The following CPA6 variants were observed in gnomAD, a reference collection of about 807,000 sequenced individuals.
The protein encoded by CPA6 is carboxypeptidase B.
Under a neutral mutation model 63.3 loss-of-function variants are expected in CPA6, and 58 were observed. The ratio of observed to expected loss-of-function variants is 0.92; its 90% confidence interval spans 0.74 to 1.14. The LOEUF (loss-of-function observed/expected upper bound fraction) is 1.14. Ranked by LOEUF, CPA6 falls within the 50% of genes most tolerant of loss-of-function variation. The pLI is 0.00. For missense variants in CPA6, 565 were observed against 526.6 expected (o/e 1.07, Z -0.71); for synonymous variants, 185 against 179.0 (o/e 1.03, Z -0.27).
At chr8:67,691,931 T>C (rs112052092) in intron 1 of CPA6, among the ~76,000 whole-genome samples, 14 of 152,200 alleles carry the variant, frequency 9.2e-5, no homozygotes, top group Non-Finnish European at 1.6e-4. Context: ...CCAGATCCTT[T>C]TCTGGTTGAT....
chr8:67,602,932 C>T (rs1814533405), intron 2 of CPA6, among the ~76,000 whole-genome samples: 2 of 151,880 alleles, frequency 1.3e-5, no homozygotes, highest in Non-Finnish European at 2.9e-5. Context: ...AAAAGTGTTA[C>T]ATAAGAAGAG....
chr8:67,530,983 A>T (rs1221642047), intron 2 of CPA6, among the ~76,000 whole-genome samples: 1 of 152,246 alleles, frequency 6.6e-6, no homozygotes, highest in Non-Finnish European at 1.5e-5. Flanking sequence ...TGAGCATTCA[A>T]GCCACTATAC....
At chr8:67,656,318 TA>T (rs1428768290) in intron 1 of CPA6, among the ~76,000 whole-genome samples, 2 of 152,226 alleles carry the variant, frequency 1.3e-5, no homozygotes, top group African/African-American at 4.8e-5. Flanking sequence ...ACTGTTGATT[TA>T]AAGTAGTTTC....
intron 8 of CPA6, among the ~76,000 whole-genome samples, chr8:67,472,875 CAG>C (rs1002818056): frequency 7.9e-5 from 12 of 152,136 alleles, no homozygotes; most frequent in Admixed American, 5.2e-4. Context: ...CAAGAATAAT[CAG>C]AGAAATAAAA....
chr8:67,515,134 C>T (rs1211796216), intron 3 of CPA6, among the ~76,000 whole-genome samples: 1 of 152,146 alleles, frequency 6.6e-6, no homozygotes, highest in East Asian at 1.9e-4. Context: ...AAACTCTGTG[C>T]CAGTTTTGAC....
At chr8:67,487,296 T>C (rs910938262) in intron 6 of CPA6, among the ~76,000 whole-genome samples, 4 of 152,254 alleles carry the variant, frequency 2.6e-5, no homozygotes, top group African/African-American at 9.6e-5. Context: ...AGTGAGAACA[T>C]GTGGTGTTTG....
At chr8:67,448,664 G>GAAAAAAAA (rs1810487222) in intron 8 of CPA6, among the ~76,000 whole-genome samples, 11 of 66,424 alleles carry the variant, frequency 1.7e-4, no homozygotes, top group African/African-American at 9.2e-4. Context: ...AGGAAAGAAC[G>GAAAAAAAA]AAAAAGAAAA....
intron 1 of CPA6, among the ~76,000 whole-genome samples, chr8:67,728,936 A>G (rs1398614486): frequency 2.0e-5 from 3 of 152,220 alleles, no homozygotes; most frequent in African/African-American, 7.2e-5. Context: ...GGGACTTGGA[A>G]GAAAGAGACC....
At chr8:67,547,120 C>T (rs534350062) in intron 2 of CPA6, among the ~76,000 whole-genome samples, 1 of 152,280 alleles carries the variant, frequency 6.6e-6, no homozygotes, top group South Asian at 2.1e-4. Context: ...CATCACGGCT[C>T]ACTGCAAGCT....
At chr8:67,439,786 A>C (rs1810248676) in intron 8 of CPA6, among the ~76,000 whole-genome samples, 1 of 152,136 alleles carries the variant, frequency 6.6e-6, no homozygotes, top group Non-Finnish European at 1.5e-5. Flanking sequence ...CCTGCAGGAA[A>C]TGATTAAAAA....
At chr8:67,593,119 T>G (rs1292253533) in intron 2 of CPA6, among the ~76,000 whole-genome samples, 5 of 150,788 alleles carry the variant, frequency 3.3e-5, no homozygotes, top group African/African-American at 9.8e-5. Flanking sequence ...AACATCTTTA[T>G]TTCTGCCTTC....
At chr8:67,641,051 CGCTGCCACT>C (rs932484678) in intron 1 of CPA6, among the ~76,000 whole-genome samples, 1 of 151,692 alleles carries the variant, frequency 6.6e-6, no homozygotes, top group African/African-American at 2.4e-5. Flanking sequence ...GGGGACCCAC[CGCTGCCACT>C]GCTGCTTGTG....
At chr8:67,574,079 G>A (rs1813559859) in intron 2 of CPA6, among the ~76,000 whole-genome samples, 1 of 151,872 alleles carries the variant, frequency 6.6e-6, no homozygotes, top group African/African-American at 2.4e-5. Flanking sequence ...TTTCGTAGCT[G>A]TAGAAAAAGC....
chr8:67,732,968 G>C (rs1817735951), intron 1 of CPA6, among the ~76,000 whole-genome samples: 1 of 151,782 alleles, frequency 6.6e-6, no homozygotes, highest in Non-Finnish European at 1.5e-5. Flanking sequence ...AGGCTGAGGC[G>C]GGCGGATCAT....
chr8:67,722,524 C>T (rs1817520835), intron 1 of CPA6, among the ~76,000 whole-genome samples: 1 of 152,132 alleles, frequency 6.6e-6, no homozygotes, highest in African/African-American at 2.4e-5. Flanking sequence ...ATCCTATATG[C>T]TAAGTATGAG....
At chr8:67,590,242 G>A (rs1454723476) in intron 2 of CPA6, among the ~76,000 whole-genome samples, 1 of 151,292 alleles carries the variant, frequency 6.6e-6, no homozygotes, top group African/African-American at 2.4e-5. Flanking sequence ...TGGCTGCATA[G>A]TATTCCATGG....
intron 1 of CPA6, among the ~76,000 whole-genome samples, chr8:67,658,347 T>C (rs1816036103): frequency 6.6e-6 from 1 of 152,212 alleles, no homozygotes. Flanking sequence ...TTGTGCACCT[T>C]GGTGTGCCCA....
In CPA6 at chr8:67,602,796, C is replaced by T. The variant is rs115040310; in HGVS notation, c.192+21380G>A. On this transcript the variant is annotated intron_variant, in intron 2 of 10. Transcript: ENST00000297770. Reference sequence around the variant, plus strand: ...TTCTGCTGCAAGAGTAGCAGTGACTCATGTTCCCCAGCAGAAACTGAGACA... The same window carrying T: ...TTCTGCTGCAAGAGTAGCAGTGACTTATGTTCCCCAGCAGAAACTGAGACA... Among the ~76,000 whole-genome samples, 3 of 152,308 alleles carry T rather than the reference C, an allele frequency of 2.0e-5. No individual in the cohort carries two copies. The East Asian group carries it at 5.8e-4, about 29-fold the overall frequency.
At chr8:67,507,797 T>C (rs1371132579) in intron 5 of CPA6, among the ~76,000 whole-genome samples, 1 of 152,110 alleles carries the variant, frequency 6.6e-6, no homozygotes, top group Non-Finnish European at 1.5e-5. Context: ...AGAGGAGCAC[T>C]TGAGTACTTC....
Sources: gnomAD v4.1 joint callset for allele counts (sites outside exome capture counted in the v4.1 genomes callset) on GRCh38, gnomAD v4.1.1 for gene constraint, MANE v1.5 for transcripts, NCBI Gene and HGNC (gene_info 2026-07-23, HGNC 2026-07-21) for gene names.